WDPCP: variants seen among roughly 807,000 people sequenced by gnomAD.
The protein encoded by WDPCP is WD repeat containing planar cell polarity effector.
WDPCP carries 71 observed loss-of-function variants against 93.1 expected under a neutral mutation model. The observed-to-expected ratio is 0.76, with a 90% confidence interval of 0.63 to 0.93. WDPCP has a LOEUF of 0.93. WDPCP is among the 40% of genes least tolerant of loss of function. The pLI is 0.00. For missense variants in WDPCP, 844 were observed against 887.4 expected (o/e 0.95, Z 0.62); for synonymous variants, 315 against 315.0 (o/e 1.00, Z 0.00).
In WDPCP at chr2:63,404,601, T is replaced by C; in HGVS notation, c.882A>G (p.Lys294=). 2.5e-6 allele frequency: 4 copies of C among 1,614,096 alleles called. No homozygotes were observed. The highest frequency in any genetic ancestry group is 3.4e-6 in the Non-Finnish European group (4 of 1,179,968). ...CCACTGTGAACACCTGATAAGGCTG[T>C]TTGGTGCCAAAGCGAACATCCAGTG... ...WDPLDVRFGT[K]QPYQVFTVEH... Residue 294 remains lysine, a synonymous_variant, in exon 10 of 18, where the codon AAA becomes AAG. Transcript: ENST00000272321.
Position 63,277,321 on chromosome 2 carries a change from G to T in WDPCP, c.1813-17912C>A, listed in dbSNP as rs184593883. On this transcript the variant is annotated intron_variant, in intron 13 of 17. Transcript: ENST00000272321. The stretch of plus-strand genomic sequence containing the variant: ...GGACCTACATAACAATAACACAATG[G>T]GAAAACAAAAAACAAAAACACAACC... Among the ~76,000 whole-genome samples, 3 of 151,700 alleles carry T rather than the reference G, an allele frequency of 2.0e-5. No individual in the cohort carries two copies. The East Asian group carries it at 5.8e-4, about 29-fold the overall frequency.
At chr2:63,461,027 A>G (rs897929320) in intron 6 of WDPCP, among the ~76,000 whole-genome samples, 1 of 152,230 alleles carries the variant, frequency 6.6e-6, no homozygotes, top group African/African-American at 2.4e-5. Context: ...AGGAAGAGAC[A>G]ACTGATAGTC....
intron 13 of WDPCP, among the ~76,000 whole-genome samples, chr2:63,275,113 T>G (rs917739510): frequency 6.6e-6 from 1 of 152,176 alleles, no homozygotes; most frequent in African/African-American, 2.4e-5. Flanking sequence ...CAATACACCA[T>G]GATCAAGTGG....
Position 63,632,166 on chromosome 2 carries a change from G to C in WDPCP, n.488+18493C>G, listed in dbSNP as rs181273209. 2.9e-3 allele frequency among the ~76,000 whole-genome samples: 446 copies of C among 152,280 alleles called. 4 individuals are homozygous for C. Among genetic ancestry groups the C allele is most frequent in the African/African-American group, 0.01 (426 of 41,550 alleles). On this transcript the variant is annotated intron_variant and non_coding_transcript_variant, in intron 3 of 4. Transcript: ENST00000467687. The stretch of plus-strand genomic sequence containing the variant: ...CTTCCAGTGCCCTTGCACCAGCACA[G>C]CACCGCCTTGTTGAAGGTCTTTCCC...
intron 13 of WDPCP, among the ~76,000 whole-genome samples, chr2:63,263,355 C>T (rs1475046920): frequency 3.9e-5 from 6 of 152,174 alleles, no homozygotes; most frequent in Non-Finnish European, 7.3e-5. Flanking sequence ...AGGATTAGGT[C>T]ATAAAGTCTC....
intron 6 of WDPCP, among the ~76,000 whole-genome samples, chr2:63,472,191 G>A (rs1699731025): frequency 6.6e-6 from 1 of 151,168 alleles, no homozygotes; most frequent in Admixed American, 6.6e-5. Context: ...TTAAACTCTA[G>A]AAGTTTTTTG....
intron 15 of WDPCP, among the ~76,000 whole-genome samples, chr2:63,167,248 A>G (rs1673062231): frequency 1.3e-5 from 2 of 152,222 alleles, no homozygotes; most frequent in Admixed American, 6.5e-5. Context: ...GCCATTTAGG[A>G]AAAAAGTTTG....
chr2:63,528,647 A>G (rs575500182), intron 1 of WDPCP, among the ~76,000 whole-genome samples: 1 of 152,250 alleles, frequency 6.6e-6, no homozygotes, highest in Non-Finnish European at 1.5e-5. Flanking sequence ...GTCAGGTAGC[A>G]TGATGCCTCC....
At position 63,716,666 on chromosome 2, in the gene WDPCP, G is replaced by A. The variant is rs935599794; in HGVS notation, n.309-65828C>T. Among the ~76,000 whole-genome samples the A allele has an allele frequency of 5.9e-5, 9 of 152,124 alleles. No individual in the cohort carries two copies. The East Asian group carries it at 1.7e-3, about 29-fold the overall frequency. On this transcript the variant is annotated intron_variant and non_coding_transcript_variant, in intron 2 of 4. Transcript: ENST00000467687. ...TTGGGGTGTGCAGTGTGGGGCCGAC[G>A]GGAGGACAGGGAGCAAGAAGGAGAT...
intron 13 of WDPCP, among the ~76,000 whole-genome samples, chr2:63,281,835 G>A (rs905933436): frequency 2.0e-5 from 3 of 152,008 alleles, no homozygotes; most frequent in Non-Finnish European, 4.4e-5. Context: ...AAATGGTGGG[G>A]GTGCGGTGAA....
chr2:63,520,963 C>G (rs1702881760), intron 1 of WDPCP, among the ~76,000 whole-genome samples: 1 of 149,894 alleles, frequency 6.7e-6, no homozygotes, highest in South Asian at 2.1e-4. Flanking sequence ...AAGTTTGATA[C>G]TCAAAGGACA....
intron 17 of WDPCP, among the ~76,000 whole-genome samples, chr2:63,150,405 G>C (rs375612450): frequency 6.6e-6 from 1 of 152,268 alleles, no homozygotes; most frequent in East Asian, 1.9e-4. Flanking sequence ...GTAGACAGAG[G>C]CCAGGGATTG....
At chr2:63,207,010 A>G (rs1340000024) in intron 14 of WDPCP, among the ~76,000 whole-genome samples, 1 of 152,186 alleles carries the variant, frequency 6.6e-6, no homozygotes, top group Non-Finnish European at 1.5e-5. Flanking sequence ...AGCTCTTGAC[A>G]ACCACCACTT....
At chr2:63,709,515 AC>A (rs1458669992) in intron 2 of WDPCP, among the ~76,000 whole-genome samples, 1 of 152,216 alleles carries the variant, frequency 6.6e-6, no homozygotes, top group Non-Finnish European at 1.5e-5. Flanking sequence ...ATTTCAAGCC[AC>A]CAGAAATACA....
chr2:63,575,375 TAC>T (rs1213336058), intron 1 of WDPCP, among the ~76,000 whole-genome samples: 2 of 133,848 alleles, frequency 1.5e-5, no homozygotes, highest in Admixed American at 1.6e-4. Context: ...ATACAGTATA[TAC>T]AGTATATACA....
intron 12 of WDPCP, among the ~76,000 whole-genome samples, chr2:63,329,480 TGTAA>T (rs1278192742): frequency 1.1e-4 from 17 of 152,354 alleles, no homozygotes; most frequent in African/African-American, 4.1e-4. Context: ...AATAGAACTT[TGTAA>T]GTATTTGAAT....
chr2:63,738,370 AT>A (rs905816536), intron 2 of WDPCP, among the ~76,000 whole-genome samples: 1 of 108,860 alleles, frequency 9.2e-6, no homozygotes, highest in South Asian at 2.8e-4. Context: ...TCAGGTTCTT[AT>A]TTTTTTTATC....
At chr2:63,358,814 A>G (rs1443856964) in intron 12 of WDPCP, among the ~76,000 whole-genome samples, 1 of 152,174 alleles carries the variant, frequency 6.6e-6, no homozygotes, top group Non-Finnish European at 1.5e-5. Context: ...AAAGGAAGTC[A>G]AATTCTTTTC....
At chr2:63,744,288 G>T (rs969819648) in intron 2 of WDPCP, among the ~76,000 whole-genome samples, 75 of 152,200 alleles carry the variant, frequency 4.9e-4, no homozygotes, top group African/African-American at 1.8e-3. Flanking sequence ...CAGCAATGCA[G>T]CCCTCTCCTC....
Sources: allele counts gnomAD v4.1 joint callset (sites outside exome capture counted in the v4.1 genomes callset), GRCh38; gene constraint gnomAD v4.1.1; transcripts MANE v1.5; gene names NCBI Gene and HGNC (gene_info 2026-07-23, HGNC 2026-07-21).